The following MYT1L variants were observed in gnomAD, a reference collection of about 807,000 sequenced individuals.
MYT1L encodes the protein myelin transcription factor 1-like protein.
A neutral mutation model predicts 126.7 loss-of-function variants in MYT1L; 12 were observed. The observed-to-expected ratio is 0.09, with a 90% CI of 0.06 to 0.15. The LOEUF (loss-of-function observed/expected upper bound fraction) is 0.15, where lower values mean the gene tolerates loss of function less well. MYT1L is among the 10% of genes least tolerant of loss of function. MYT1L has a pLI of 1.00. For missense variants in MYT1L, 979 were observed against 1,585.2 expected (o/e 0.62, Z 6.49); for synonymous variants, 541 against 604.2 (o/e 0.90, Z 1.53).
intron 10 of MYT1L, among the ~76,000 whole-genome samples, chr2:1,918,054 C>T (rs1052540137): frequency 9.9e-5 from 15 of 152,114 alleles, no homozygotes; most frequent in African/African-American, 3.6e-4. Context: ...CAGAGGAAGG[C>T]TCGTAGAATG....
intron 3 of MYT1L, among the ~76,000 whole-genome samples, chr2:2,068,797 T>C (rs893044982): frequency 8.3e-6 from 1 of 120,866 alleles, no homozygotes; most frequent in African/African-American, 2.9e-5. Context: ...TTTTTTTTTT[T>C]TCATATGTAT....
chr2:2,313,180 T>G (rs898420981), intron 1 of MYT1L, among the ~76,000 whole-genome samples: 1 of 152,192 alleles, frequency 6.6e-6, no homozygotes, highest in Non-Finnish European at 1.5e-5. Context: ...TTTTTCTCCA[T>G]GTCCTTGGCA....
chr2:2,310,804 G>T (rs938662241), intron 1 of MYT1L, among the ~76,000 whole-genome samples: 1 of 152,002 alleles, frequency 6.6e-6, no homozygotes, highest in African/African-American at 2.4e-5. Flanking sequence ...ACCCACGGGC[G>T]GTTGTGACTC....
chr2:1,939,891 C>T (rs774914433), intron 9 of MYT1L, among the ~76,000 whole-genome samples: 8 of 152,232 alleles, frequency 5.3e-5, no homozygotes, highest in East Asian at 1.9e-4. Context: ...AGAAAGCCTT[C>T]GTGAGCGTGT....
rs895927119 is a variant in MYT1L, at chr2:1,792,329, G to A, written c.3412C>T (p.Pro1138Ser). Residue 1138 changes from proline (P) to serine (S), a missense_variant, in exon 24 of 25, where the codon CCG (proline) becomes TCG (serine). Around this residue, in one of 12 missense-constraint regions of MYT1L, gnomAD observed 179 missense variants for 398.6 expected, o/e 0.45. Coordinates refer to ENST00000647738, the MANE Select transcript of MYT1L (RefSeq NM_001303052.2). Reference sequence around the variant, plus strand: ...CGTGCTCAGTCACTTACCATGTGCGGCAGCTGGATGTTAGCCAGGCTGTGG... The same window carrying A: ...CGTGCTCAGTCACTTACCATGTGCGACAGCTGGATGTTAGCCAGGCTGTGG... Reference protein sequence around the residue: ...LIHSLANIQLPHMDPINEQNF... With the variant: ...LIHSLANIQLSHMDPINEQNF... 1 of 1,602,894 alleles carries A rather than the reference G, an allele frequency of 6.2e-7. No individual in the cohort carries two copies. The highest frequency in any genetic ancestry group is 1.3e-5 in the African/African-American group (1 of 74,714).
chr2:1,903,668 C>T (rs146076708), intron 13 of MYT1L, among the ~76,000 whole-genome samples: 11 of 152,144 alleles, frequency 7.2e-5, no homozygotes, highest in Non-Finnish European at 8.8e-5. Context: ...GAATTATACA[C>T]AAAGATGTTG....
At chr2:2,264,235 C>T (rs1244219234) in intron 2 of MYT1L, among the ~76,000 whole-genome samples, 2 of 152,138 alleles carry the variant, frequency 1.3e-5, no homozygotes, top group Non-Finnish European at 2.9e-5. Flanking sequence ...CTGGCAAGGA[C>T]TATGCATCTC....
At chr2:1,792,741 G>A (rs1389474062) in intron 23 of MYT1L, among the ~76,000 whole-genome samples, 1 of 151,920 alleles carries the variant, frequency 6.6e-6, no homozygotes, top group African/African-American at 2.4e-5. Flanking sequence ...GTGGTGGCGT[G>A]CGCCTGTAAT....
intron 1 of MYT1L, among the ~76,000 whole-genome samples, chr2:2,311,581 C>T (rs2095971428): frequency 6.6e-6 from 1 of 152,138 alleles, no homozygotes; most frequent in African/African-American, 2.4e-5. Context: ...TGGGGGGCAC[C>T]ATTCAGGTTG....
intron 18 of MYT1L, chr2:1,886,256 T>G (rs2048156773): frequency 6.3e-6 from 2 of 319,166 alleles, no homozygotes; most frequent in African/African-American, 4.3e-5. Context: ...CCCTTCCATA[T>G]GCATGCATAT....
intron 8 of MYT1L, among the ~76,000 whole-genome samples, chr2:1,959,194 G>A (rs1415228144): frequency 6.6e-6 from 1 of 152,202 alleles, no homozygotes; most frequent in Non-Finnish European, 1.5e-5. Flanking sequence ...ATGTTAAGGT[G>A]GAGAGTTTGA....
chr2:2,129,228 G>A (rs1038115967), intron 3 of MYT1L, among the ~76,000 whole-genome samples: 8 of 152,180 alleles, frequency 5.3e-5, no homozygotes, highest in Non-Finnish European at 1.2e-4. Flanking sequence ...ACAGTTTCAC[G>A]TGTCTCTAGT....
chr2:1,930,622 T>C (rs1286592016), intron 9 of MYT1L, among the ~76,000 whole-genome samples: 1 of 152,192 alleles, frequency 6.6e-6, no homozygotes, highest in Non-Finnish European at 1.5e-5. Flanking sequence ...GCTGGGCTGC[T>C]GGGAGCTGTG....
At chr2:1,960,356 G>A (rs888585010) in intron 8 of MYT1L, among the ~76,000 whole-genome samples, 9 of 152,198 alleles carry the variant, frequency 5.9e-5, no homozygotes, top group African/African-American at 2.2e-4. Flanking sequence ...CAGGGCGGGG[G>A]ACGGTGAAGC....
At chr2:2,060,840 CTT>C (rs1408706974) in intron 3 of MYT1L, among the ~76,000 whole-genome samples, 9 of 150,606 alleles carry the variant, frequency 6.0e-5, no homozygotes, top group African/African-American at 2.0e-4. Context: ...CTCTCTCTCT[CTT>C]TCCCTCTCTC....
chr2:2,094,476 T>C (rs528939992), intron 3 of MYT1L, among the ~76,000 whole-genome samples: 50 of 152,284 alleles, frequency 3.3e-4, no homozygotes, highest in Non-Finnish European at 6.6e-4. Context: ...CGCACATGTA[T>C]GTTTATTGCG....
At chr2:2,247,907 A>G (rs939337268) in intron 2 of MYT1L, among the ~76,000 whole-genome samples, 1 of 152,180 alleles carries the variant, frequency 6.6e-6, no homozygotes, top group East Asian at 1.9e-4. Context: ...AGGGAAATTT[A>G]TAGCTGTAAG....
At chr2:2,066,516 A>G (rs2150192246) in intron 3 of MYT1L, among the ~76,000 whole-genome samples, 1 of 152,314 alleles carries the variant, frequency 6.6e-6, no homozygotes, top group Admixed American at 6.5e-5. Flanking sequence ...AATTTAAATA[A>G]TATTTGTTTC....
At position 1,839,388 on chromosome 2, in the gene MYT1L, T is replaced by A. The variant is rs1572725899; in HGVS notation, c.2859-18A>T. ...CCGGACACCTGTAGGCAGGCAGAGG[T>A]GACACACTTTATTGTCTGGCCACCG... is the stretch of plus-strand genomic sequence containing the variant. On this transcript the variant is annotated intron_variant, in intron 20 of 24. Transcript: ENST00000647738. The A allele has an allele frequency of 5.0e-6, 8 of 1,604,034 alleles. No individual in the cohort carries two copies. In the South Asian group the frequency reaches 7.7e-5, roughly 15 times the overall value.
Sources: gnomAD v4.1 joint callset for allele counts (sites outside exome capture counted in the v4.1 genomes callset) on GRCh38, gnomAD v4.1.1 for gene constraint, gnomAD v4.1.1 regional missense constraint, MANE v1.5 for transcripts, NCBI Gene and HGNC (gene_info 2026-07-23, HGNC 2026-07-21) for gene names.